Variants in DCLRE1B observed in about 807,000 individuals in gnomAD.
The protein encoded by DCLRE1B is DNA cross-link repair 1B.
A neutral mutation model predicts 19.8 loss-of-function variants in DCLRE1B; 6 were observed. That is an observed-to-expected ratio of 0.30 (90% CI 0.17 to 0.60). The LOEUF (loss-of-function observed/expected upper bound fraction) is 0.60, where lower values mean the gene tolerates loss of function less well. Ranked by LOEUF, DCLRE1B falls within the 20% of genes least tolerant of loss-of-function variation. The probability of loss-of-function intolerance (pLI) is 0.87; values close to 1 mark genes in which losing one functional copy is unlikely to be tolerated. For missense variants in DCLRE1B, 622 were observed against 654.2 expected, an observed-to-expected ratio of 0.95 and a Z score of 0.54; for synonymous variants, 258 against 255.7, an observed-to-expected ratio of 1.01 and a Z score of -0.09.
chr1:113,904,699 C>T, upstream of DCLRE1B: 1 of 1,612,474 alleles, frequency 6.2e-7, no homozygotes, highest in South Asian at 1.1e-5. Flanking sequence ...ACCACGTCCT[C>T]GGAGCCAAGG....
rs1669216594 is a variant in DCLRE1B at position 113,910,578 on chromosome 1, T to C, written c.539-553T>C. ...GGGTAGTGGCATGATCACAGCTCAC[T>C]GCAGCCTGGACCTCCCGGACTCAAG... is the stretch of plus-strand genomic sequence containing the variant. On this transcript the variant is annotated intron_variant, in intron 3 of 3. Coordinates refer to ENST00000650450, the MANE Select transcript of DCLRE1B (RefSeq NM_022836.4). Among the ~76,000 whole-genome samples the C allele has an allele frequency of 1.3e-5, 2 of 152,268 alleles. 1 individual carries two copies. The highest frequency in any genetic ancestry group is 4.1e-4 in the South Asian group (2 of 4,820).
At position 113,907,112 on chromosome 1, in the gene DCLRE1B, T is replaced by G; in HGVS notation, c.306T>G (p.Gly102=). The G allele has an allele frequency of 6.2e-7, 1 of 1,613,670 alleles. No individual in the cohort carries two copies. The highest frequency in any genetic ancestry group is 8.5e-7 in the Non-Finnish European group (1 of 1,179,960). The part of the protein sequence containing the change: ...VTLLDANHCP[G]SVMFLFEGYF... The stretch of plus-strand genomic sequence containing the variant: ...TCCTCGATGCCAATCACTGTCCTGG[T>G]TCTGTCATGTTTCTCTTTGAAGGAT... Residue 102 remains glycine, a synonymous_variant, in exon 2 of 4, where the codon GGT becomes GGG. Transcript: ENST00000650450.
At chr1:113,904,944 T>C (rs976698692), upstream of DCLRE1B, 1 of 510,664 alleles carries the variant, frequency 2.0e-6, no homozygotes, top group Non-Finnish European at 3.6e-6. Flanking sequence ...GGCCCTACCG[T>C]CGGCCGGCAG....
chr1:113,911,150 G>A lies in DCLRE1B; in HGVS notation c.558G>A (p.Lys186=). 1 of 1,614,022 alleles carries A rather than the reference G, an allele frequency of 6.2e-7. No homozygotes were observed. The highest frequency in any genetic ancestry group is 8.5e-7 in the Non-Finnish European group (1 of 1,179,970). ...ATTTAGGACTCTACAGCCTGGGAAAGGAATCACTGCTGGAGCAGCTGGCCC... is the reference window on the plus strand; with the variant it reads ...ATTTAGGACTCTACAGCCTGGGAAAAGAATCACTGCTGGAGCAGCTGGCCC... The part of the protein sequence containing the change: ...NIKIGLYSLG[K]ESLLEQLALE... Residue 186 remains lysine, a synonymous_variant, in exon 4 of 4, where the codon AAG becomes AAA. Transcript: ENST00000650450.
At chr1:113,906,940 C>T (rs543190613) in intron 1 of DCLRE1B, 56 bp from the exon 2 acceptor site, 5 of 1,594,168 alleles carry the variant, frequency 3.1e-6, no homozygotes, top group East Asian at 4.5e-5. Flanking sequence ...GTCCCTGACC[C>T]GGGGAGGTAA....
intron 2 of DCLRE1B, among the ~76,000 whole-genome samples, chr1:113,907,773 C>T (rs964604834): frequency 1.2e-4 from 18 of 152,066 alleles, no homozygotes; most frequent in East Asian, 1.9e-4. Context: ...TGCGCCTGGC[C>T]GATTTCCCAC....
intron 3 of DCLRE1B, among the ~76,000 whole-genome samples, chr1:113,908,460 C>T (rs1669126308): frequency 6.6e-6 from 1 of 152,068 alleles, no homozygotes; most frequent in South Asian, 2.1e-4. Context: ...ATTTAAAAAT[C>T]AGTTGGGCAC....
chr1:113,905,697 C>G lies in DCLRE1B; in HGVS notation c.111C>G (p.Thr37=). The G allele has an allele frequency of 6.2e-7, 1 of 1,614,188 alleles. No individual in the cohort carries two copies. The stretch of plus-strand genomic sequence containing the variant: ...TGTCTCACATGCACTCGGACCACAC[C>G]GTGGGCCTGTCTAGCACCTGGGCCC... The part of the protein sequence containing the change: ...FFLSHMHSDH[T]VGLSSTWARP... The change falls in exon 1 of 4, where the codon ACC becomes ACG. Residue 37 remains threonine, a synonymous_variant. Coordinates refer to ENST00000650450, the MANE Select transcript of DCLRE1B (RefSeq NM_022836.4).
rs1040960821 is a variant in DCLRE1B, at chr1:113,908,209, A to G, written c.538+18A>G. On this transcript the variant is annotated intron_variant, in intron 3 of 3. Transcript: ENST00000650450. ...AAAGATTGGTGAGTTGTTTCCTTTC[A>G]GTTTCCTGTCACCTGTAGATAGTGA... 2.5e-6 allele frequency: 4 copies of G among 1,608,918 alleles called. No individual in the cohort carries two copies. Among genetic ancestry groups the G allele is most frequent in the African/African-American group, 1.3e-5 (1 of 74,736 alleles).
At chr1:113,907,939 G>A in intron 2 of DCLRE1B, 70 bp from the exon 3 acceptor site, 3 of 1,510,908 alleles carry the variant, frequency 2.0e-6, no homozygotes, top group Non-Finnish European at 2.7e-6. Flanking sequence ...GTCTATTGTT[G>A]GAGGTAGGAG....
At chr1:113,905,045 C>G (rs1022873895), upstream of DCLRE1B, 2 of 403,258 alleles carry the variant, frequency 5.0e-6, no homozygotes, top group Admixed American at 7.2e-5. Flanking sequence ...AGACCCCTCC[C>G]TCTCCAGTTC....
intron 3 of DCLRE1B, among the ~76,000 whole-genome samples, chr1:113,910,275 C>T (rs1484336903): frequency 6.6e-6 from 1 of 152,208 alleles, no homozygotes; most frequent in Non-Finnish European, 1.5e-5. Context: ...GTCCAAGCTT[C>T]TTAGCGGTAC....
In DCLRE1B at chr1:113,907,989, C is replaced by G. The variant is rs775787465; in HGVS notation, c.356-20C>G. 1.2e-6 allele frequency: 2 copies of G among 1,608,960 alleles called. No individual in the cohort carries two copies. Among genetic ancestry groups the G allele is most frequent in the African/African-American group, 2.7e-5 (2 of 74,720 alleles). On this transcript the variant is annotated intron_variant, in intron 2 of 3. Transcript: ENST00000650450. The stretch of plus-strand genomic sequence containing the variant: ...TTCTTTTGTCTCTGACCTTCTGCCC[C>G]CATGTACATATTCCTCCAGGTGATT...
chr1:113,909,587 C>G (rs28381075), intron 3 of DCLRE1B, among the ~76,000 whole-genome samples: 1 of 152,168 alleles, frequency 6.6e-6, no homozygotes, highest in Non-Finnish European at 1.5e-5. Context: ...GAAATATCCT[C>G]TACTCTCAGG....
intron 1 of DCLRE1B, 117 bp from the exon 2 acceptor site, chr1:113,906,879 G>T (rs2101067514): frequency 8.9e-7 from 1 of 1,119,460 alleles, no homozygotes; most frequent in Non-Finnish European, 1.3e-6. Context: ...TACAGCTTCT[G>T]CTCCCGGTGG....
chr1:113,911,102 C>A (rs755548442), intron 3 of DCLRE1B, 29 bp from the exon 4 acceptor site: 6 of 1,547,914 alleles, frequency 3.9e-6, no homozygotes, highest in East Asian at 2.3e-5. Context: ...CCTTCTCTTA[C>A]TTTCCCCAAT....
Position 113,912,008 on chromosome 1 carries a change from T to A in DCLRE1B, c.1416T>A (p.Asn472Lys). 1 of 1,614,164 alleles carries A rather than the reference T, an allele frequency of 6.2e-7. No homozygotes were observed. The highest frequency in any genetic ancestry group is 8.5e-7 in the Non-Finnish European group (1 of 1,180,030). Reference sequence around the variant, plus strand: ...ATGGAGGTCCAGAAGCCACAGGGAATCAGAGTGCCTGGATGGGCCATGGTT... The same window carrying A: ...ATGGAGGTCCAGAAGCCACAGGGAAACAGAGTGCCTGGATGGGCCATGGTT... ...DDDGGPEATG[N>K]QSAWMGHGSP... The change falls in exon 4 of 4, where the codon AAT becomes AAA. Residue 472 changes from asparagine (N) to lysine (K), a missense_variant. Around this residue, in one of 3 missense-constraint regions of DCLRE1B, gnomAD observed 382 missense variants for 412.5 expected, o/e 0.93. Coordinates refer to ENST00000650450, the MANE Select transcript of DCLRE1B (RefSeq NM_022836.4).
intron 3 of DCLRE1B, among the ~76,000 whole-genome samples, chr1:113,908,723 T>TA (rs1669138062): frequency 6.6e-6 from 1 of 152,200 alleles, no homozygotes; most frequent in Admixed American, 6.5e-5. Flanking sequence ...ATAGCACTCA[T>TA]ATACTATATA....
chr1:113,905,708 C>A lies in DCLRE1B; in HGVS notation c.122C>A (p.Ser41Tyr). The A allele has an allele frequency of 1.9e-6, 3 of 1,614,208 alleles. No homozygotes were observed. Among genetic ancestry groups the A allele is most frequent in the Non-Finnish European group, 2.5e-6 (3 of 1,180,036 alleles). The change falls in exon 1 of 4, where the codon TCT becomes TAT. Residue 41 changes from serine to tyrosine, a missense_variant. Ser to Tyr is a moderately radical substitution (Grantham distance 144). This residue lies in a region of DCLRE1B where 237 missense variants were observed against 223.8 expected (regional missense o/e 1.06). Coordinates refer to ENST00000650450, the MANE Select transcript of DCLRE1B (RefSeq NM_022836.4). The stretch of plus-strand genomic sequence containing the variant: ...CACTCGGACCACACCGTGGGCCTGT[C>A]TAGCACCTGGGCCCGGCCCCTCTAC... ...HMHSDHTVGL[S>Y]STWARPLYCS...
Sources: allele counts gnomAD v4.1 joint callset (sites outside exome capture counted in the v4.1 genomes callset), GRCh38; gene constraint gnomAD v4.1.1; regional missense constraint gnomAD v4.1.1; transcripts MANE v1.5; gene names NCBI Gene and HGNC (gene_info 2026-07-23, HGNC 2026-07-21).